The following IFT74 variants were observed in gnomAD, a reference collection of about 807,000 sequenced individuals.
The protein encoded by IFT74 is intraflagellar transport 74, also known as intraflagellar transport protein 74 homolog.
A neutral mutation model predicts 96.7 loss-of-function variants in IFT74; 92 were observed. The observed-to-expected ratio is 0.95, with a 90% CI of 0.80 to 1.13. The LOEUF is 1.13. Among genes scored for constraint, IFT74 ranks in the 50% most tolerant of loss-of-function variants. The pLI is 0.00. For synonymous variants in IFT74, 223 were observed against 213.2 expected, an observed-to-expected ratio of 1.05 and a Z score of -0.40; for missense variants, 811 against 698.2, an observed-to-expected ratio of 1.16 and a Z score of -1.82.
At chr9:27,036,352 A>G in intron 13 of IFT74, 2 of 1,443,110 alleles carry the variant, frequency 1.4e-6, no homozygotes, top group Non-Finnish European at 1.8e-6. Context: ...ACCTAATGCC[A>G]AAGTTAGTTT....
rs1291160962 is a variant in IFT74 at position 27,029,043 on chromosome 9, AAAGAT to A, written c.996_1000del (p.Ile333SerfsTer4). ...TCAACAGGTTAACAGATACAAAAGA[AAAGAT>A]AAATCAGTTTATTGAAGAAATTAGA... On this transcript the variant is annotated frameshift_variant, in exon 13 of 20. Transcript: ENST00000380062. LOFTEE classifies it high-confidence loss of function. 1 of 1,601,054 alleles carries A rather than the reference AAAGAT, an allele frequency of 6.2e-7. No individual in the cohort carries two copies. The highest frequency in any genetic ancestry group is 1.1e-5 in the South Asian group (1 of 88,382).
At chr9:27,029,478 T>A (rs1206735435) in intron 13 of IFT74, among the ~76,000 whole-genome samples, 1 of 152,226 alleles carries the variant, frequency 6.6e-6, no homozygotes, top group Non-Finnish European at 1.5e-5. Flanking sequence ...CCGGGTGTGG[T>A]GGCTCACGCC....
At chr9:26,992,942 A>G (rs1366494958) in intron 8 of IFT74, among the ~76,000 whole-genome samples, 1 of 152,090 alleles carries the variant, frequency 6.6e-6, no homozygotes, top group Non-Finnish European at 1.5e-5. Context: ...ATTATGGAAA[A>G]CTCATCTATA....
chr9:27,041,473 GAAAT>G (rs1333847074), intron 13 of IFT74, among the ~76,000 whole-genome samples: 8 of 152,092 alleles, frequency 5.3e-5, no homozygotes, highest in African/African-American at 1.9e-4. Context: ...AAATTTATCG[GAAAT>G]AAATAAATGA....
intron 13 of IFT74, among the ~76,000 whole-genome samples, chr9:27,037,640 C>G (rs955387178): frequency 5.3e-5 from 8 of 152,162 alleles, no homozygotes; most frequent in Non-Finnish European, 1.2e-4. Context: ...GGTTCAAAGC[C>G]TGGAAAGATC....
At chr9:26,963,438 T>G (rs1427500554) in intron 2 of IFT74, among the ~76,000 whole-genome samples, 1 of 149,394 alleles carries the variant, frequency 6.7e-6, no homozygotes. Context: ...TGTGTCTTTA[T>G]AGCAGCATGA....
At chr9:26,966,151 A>G (rs1404278212) in intron 2 of IFT74, among the ~76,000 whole-genome samples, 1 of 151,770 alleles carries the variant, frequency 6.6e-6, no homozygotes, top group Non-Finnish European at 1.5e-5. Flanking sequence ...TAAACATAGG[A>G]ATGCAGGTAT....
chr9:26,954,084 T>C (rs1207703100), upstream of IFT74, among the ~76,000 whole-genome samples: 1 of 152,220 alleles, frequency 6.6e-6, no homozygotes, highest in Non-Finnish European at 1.5e-5. Context: ...ATTTTCCCTA[T>C]TGCAGTAGTA....
chr9:27,020,560 C>T (rs528337170), intron 12 of IFT74, among the ~76,000 whole-genome samples: 2,751 of 151,318 alleles, frequency 0.018, 86 homozygotes, highest in African/African-American at 0.062. Flanking sequence ...CTGCAAGCTC[C>T]TCCTCCCAGG....
At chr9:26,983,504 G>C (rs970555420) in intron 4 of IFT74, among the ~76,000 whole-genome samples, 4 of 152,156 alleles carry the variant, frequency 2.6e-5, no homozygotes, top group South Asian at 2.1e-4. Context: ...GATCCAGGAT[G>C]CTGGTAAACA....
At chr9:26,960,221 A>G (rs993778701) in intron 1 of IFT74, among the ~76,000 whole-genome samples, 4 of 151,850 alleles carry the variant, frequency 2.6e-5, no homozygotes, top group African/African-American at 9.7e-5. Flanking sequence ...TCTGGGCCTT[A>G]ATTTTCAGTC....
intron 4 of IFT74, among the ~76,000 whole-genome samples, chr9:26,982,577 T>G (rs963023849): frequency 5.3e-5 from 8 of 150,068 alleles, no homozygotes; most frequent in Non-Finnish European, 1.0e-4. Context: ...TGCCTCAGCC[T>G]CCCGAGTAGC....
At chr9:26,996,983 G>A (rs1180920982) in intron 8 of IFT74, among the ~76,000 whole-genome samples, 1 of 152,110 alleles carries the variant, frequency 6.6e-6, no homozygotes, top group African/African-American at 2.4e-5. Flanking sequence ...GGCCGAGGCG[G>A]GTGGATCACC....
At chr9:26,988,421 A>T (rs1047532783) in intron 6 of IFT74, among the ~76,000 whole-genome samples, 7 of 152,224 alleles carry the variant, frequency 4.6e-5, no homozygotes, top group African/African-American at 1.7e-4. Context: ...AATATTCAGG[A>T]AGAGTTGTTT....
chr9:27,047,940 A>AC (rs982307472), intron 15 of IFT74, among the ~76,000 whole-genome samples: 1 of 152,168 alleles, frequency 6.6e-6, no homozygotes, highest in Non-Finnish European at 1.5e-5. Flanking sequence ...ATGAAAAAAA[A>AC]CCCACAATTT....
At chr9:27,013,336 G>A (rs757354655) in intron 10 of IFT74, among the ~76,000 whole-genome samples, 1 of 152,072 alleles carries the variant, frequency 6.6e-6, no homozygotes, top group Non-Finnish European at 1.5e-5. Context: ...ACACAGCCTT[G>A]TAAATGAACA....
At chr9:26,952,719 G>C (rs1024811846), upstream of IFT74, among the ~76,000 whole-genome samples, 2 of 152,168 alleles carry the variant, frequency 1.3e-5, no homozygotes, top group African/African-American at 4.8e-5. Context: ...CCCAAAGATT[G>C]TTTATACAGA....
intron 11 of IFT74, among the ~76,000 whole-genome samples, chr9:27,017,699 G>A (rs1029616379): frequency 2.0e-4 from 30 of 152,264 alleles, no homozygotes; most frequent in African/African-American, 7.0e-4. Context: ...TTTTGTGGTT[G>A]TTATTATCAG....
chr9:26,999,360 A>G (rs1828351166), intron 8 of IFT74, among the ~76,000 whole-genome samples: 1 of 152,128 alleles, frequency 6.6e-6, no homozygotes, highest in African/African-American at 2.4e-5. Flanking sequence ...ACAAGATTTT[A>G]CTCTTAAAAC....
Sources: allele counts gnomAD v4.1 joint callset (sites outside exome capture counted in the v4.1 genomes callset), GRCh38; gene constraint gnomAD v4.1.1; transcripts MANE v1.5; gene names NCBI Gene and HGNC (gene_info 2026-07-23, HGNC 2026-07-21).